Variants in CDH18 observed in about 807,000 individuals in gnomAD.
CDH18 encodes cadherin 18, also known as cadherin-18.
CDH18 carries 31 observed loss-of-function variants against 67.9 expected under a neutral mutation model. That is an observed-to-expected ratio of 0.46 (90% confidence interval 0.34 to 0.62). The LOEUF (loss-of-function observed/expected upper bound fraction) is 0.62. Among genes scored for constraint, CDH18 ranks in the 20% least tolerant of loss-of-function variants. The pLI, the probability that CDH18 is intolerant of heterozygous loss-of-function variation, is 0.01. For synonymous variants in CDH18, 362 were observed against 347.2 expected (o/e 1.04, Z -0.48); for missense variants, 890 against 975.5 (o/e 0.91, Z 1.17).
chr5:20,386,178 T>G (rs1744296834), intron 1 of CDH18, among the ~76,000 whole-genome samples: 1 of 152,182 alleles, frequency 6.6e-6, no homozygotes, highest in African/African-American at 2.4e-5. Flanking sequence ...CATAGGTTGG[T>G]CTATGCTTCC....
At chr5:19,736,722 C>G (rs1768380542) in intron 4 of CDH18, among the ~76,000 whole-genome samples, 1 of 152,056 alleles carries the variant, frequency 6.6e-6, no homozygotes, top group Non-Finnish European at 1.5e-5. Flanking sequence ...TCTACATGGA[C>G]TGTTGTGATA....
chr5:19,490,377 C>A (rs1741209389), intron 11 of CDH18, among the ~76,000 whole-genome samples: 1 of 130,864 alleles, frequency 7.6e-6, no homozygotes, highest in Non-Finnish European at 1.6e-5. Flanking sequence ...TATGATATAT[C>A]ACATATATAA....
At chr5:19,796,438 G>C (rs1006886754) in intron 3 of CDH18, among the ~76,000 whole-genome samples, 2 of 152,102 alleles carry the variant, frequency 1.3e-5, no homozygotes, top group East Asian at 1.9e-4. Context: ...TGCAAGTTTT[G>C]AAAGAGTAGA....
chr5:20,323,555 CAT>C (rs974886024), intron 1 of CDH18, among the ~76,000 whole-genome samples: 2 of 152,192 alleles, frequency 1.3e-5, no homozygotes, highest in Non-Finnish European at 2.9e-5. Context: ...CAGATAGTAA[CAT>C]ATGTTTTTCA....
At chr5:19,535,211 G>A (rs1027207709) in intron 9 of CDH18, among the ~76,000 whole-genome samples, 1 of 152,134 alleles carries the variant, frequency 6.6e-6, no homozygotes, top group Non-Finnish European at 1.5e-5. Context: ...GCAATGGATT[G>A]ATACATATAT....
chr5:19,503,444 G>A (rs966593402), intron 10 of CDH18, among the ~76,000 whole-genome samples: 1 of 152,020 alleles, frequency 6.6e-6, no homozygotes, highest in Non-Finnish European at 1.5e-5. Flanking sequence ...GAGACATAAA[G>A]TATTGTTTGC....
chr5:19,473,213 A>C lies in CDH18; in HGVS notation c.*13T>G. 1 of 1,609,308 alleles carries C rather than the reference A, an allele frequency of 6.2e-7. No individual in the cohort carries two copies. The highest frequency in any genetic ancestry group is 1.7e-5 in the Admixed American group (1 of 59,674). ...CAGGAAGCAAATTCCACAAGGTTGC[A>C]AGAACTGACCCCCTAAGTTGTTCTT... On this transcript the variant is annotated 3_prime_UTR_variant, in exon 13 of 13. Transcript: ENST00000382275.
intron 8 of CDH18, among the ~76,000 whole-genome samples, chr5:19,564,650 G>C (rs1276054238): frequency 6.6e-6 from 1 of 152,122 alleles, no homozygotes; most frequent in Non-Finnish European, 1.5e-5. Context: ...TGGCTATGGG[G>C]AGAGACTCTT....
intron 2 of CDH18, among the ~76,000 whole-genome samples, chr5:20,164,951 C>T (rs58406927): frequency 0.038 from 5,726 of 152,092 alleles, 328 homozygotes; most frequent in East Asian, 0.28. Flanking sequence ...TGATTTCTTC[C>T]CCAGTGAGCG....
At chr5:19,549,948 G>C (rs1456916292) in intron 8 of CDH18, among the ~76,000 whole-genome samples, 1 of 152,034 alleles carries the variant, frequency 6.6e-6, no homozygotes, top group Non-Finnish European at 1.5e-5. Flanking sequence ...AGTCCTGAAA[G>C]AGGAAAAACA....
chr5:19,853,959 G>A (rs560043650), intron 2 of CDH18, among the ~76,000 whole-genome samples: 6 of 152,140 alleles, frequency 3.9e-5, no homozygotes, highest in African/African-American at 9.6e-5. Flanking sequence ...TCATAAAAAC[G>A]GAAAATGTCT....
intron 2 of CDH18, among the ~76,000 whole-genome samples, chr5:20,114,919 T>A (rs1747763155): frequency 1.3e-5 from 2 of 151,980 alleles, no homozygotes; most frequent in Admixed American, 1.3e-4. Context: ...GGAGAAGAGG[T>A]GGGGCTATAT....
intron 8 of CDH18, among the ~76,000 whole-genome samples, chr5:19,569,435 T>C (rs1031236060): frequency 2.0e-5 from 3 of 152,204 alleles, no homozygotes; most frequent in Non-Finnish European, 4.4e-5. Flanking sequence ...TGGTTAATTG[T>C]ACATGTCAAC....
At chr5:20,010,423 G>C (rs978989989) in intron 2 of CDH18, among the ~76,000 whole-genome samples, 1 of 151,922 alleles carries the variant, frequency 6.6e-6, no homozygotes, top group Non-Finnish European at 1.5e-5. Flanking sequence ...TGGCCAGGCT[G>C]TTCTTGAACT....
chr5:20,525,804 A>G (rs1400001221), intron 1 of CDH18, among the ~76,000 whole-genome samples: 1 of 38,136 alleles, frequency 2.6e-5, no homozygotes, highest in African/African-American at 8.8e-5. Context: ...TCCACTATAC[A>G]CACACACACA....
intron 7 of CDH18, among the ~76,000 whole-genome samples, chr5:19,584,755 C>G (rs1489378908): frequency 8.3e-6 from 1 of 120,386 alleles, no homozygotes; most frequent in Non-Finnish European, 1.6e-5. Flanking sequence ...AGAGACCAGC[C>G]AGGGCAACAT....
At chr5:19,868,325 G>T (rs1342237028) in intron 2 of CDH18, among the ~76,000 whole-genome samples, 1 of 151,976 alleles carries the variant, frequency 6.6e-6, no homozygotes, top group Non-Finnish European at 1.5e-5. Context: ...GATGGAGTGG[G>T]TACTGATCCA....
intron 3 of CDH18, among the ~76,000 whole-genome samples, chr5:19,759,047 T>C (rs1771997747): frequency 6.6e-6 from 1 of 152,262 alleles, no homozygotes; most frequent in South Asian, 2.1e-4. Context: ...AAATTGCTTC[T>C]GGTGGGCCTT....
intron 1 of CDH18, among the ~76,000 whole-genome samples, chr5:20,320,835 C>T (rs1335102907): frequency 2.6e-5 from 4 of 152,132 alleles, no homozygotes; most frequent in African/African-American, 9.7e-5. Flanking sequence ...ACCACGGCCA[C>T]CCTTCAGCCA....
Sources: gnomAD v4.1 joint callset for allele counts (sites outside exome capture counted in the v4.1 genomes callset) on GRCh38, gnomAD v4.1.1 for gene constraint, MANE v1.5 for transcripts, NCBI Gene and HGNC (gene_info 2026-07-23, HGNC 2026-07-21) for gene names.